The following ATP6V1H variants were observed in gnomAD, a reference collection of about 807,000 sequenced individuals.
ATP6V1H encodes ATPase H+ transporting V1 subunit H.
Under a neutral mutation model 71.7 loss-of-function variants are expected in ATP6V1H, and 39 were observed. The observed-to-expected ratio is 0.54, with a 90% CI of 0.42 to 0.71. The LOEUF is 0.71. ATP6V1H is among the 30% of genes least tolerant of loss of function. The pLI is 0.00. For synonymous variants in ATP6V1H, 192 were observed against 199.3 expected (o/e 0.96, Z 0.31); for missense variants, 509 against 594.9 (o/e 0.86, Z 1.50).
At chr8:53,841,361 A>G (rs1485589464) in intron 2 of ATP6V1H, among the ~76,000 whole-genome samples, 1 of 152,160 alleles carries the variant, frequency 6.6e-6, no homozygotes, top group Non-Finnish European at 1.5e-5. Flanking sequence ...GAGAAGGTCA[A>G]AAGCACCATA....
At chr8:53,830,380 GGA>G (rs1018802542) in intron 3 of ATP6V1H, among the ~76,000 whole-genome samples, 4 of 152,034 alleles carry the variant, frequency 2.6e-5, no homozygotes, top group Non-Finnish European at 4.4e-5. Flanking sequence ...ATAAAAAAAT[GGA>G]GACCTTATCA....
intron 13 of ATP6V1H, among the ~76,000 whole-genome samples, chr8:53,735,086 C>T (rs543486440): frequency 6.6e-6 from 1 of 152,144 alleles, no homozygotes. Flanking sequence ...CAGCACAATG[C>T]GAGGCAAGGT....
intron 3 of ATP6V1H, 63 bp downstream of exon 3, chr8:53,832,921 A>G: frequency 8.8e-7 from 1 of 1,135,472 alleles, no homozygotes; most frequent in South Asian, 1.4e-5. Context: ...TATAATCACT[A>G]AGATTTTTCT....
chr8:53,763,750 C>CATCA (rs1465656148), intron 11 of ATP6V1H, among the ~76,000 whole-genome samples: 1 of 152,102 alleles, frequency 6.6e-6, no homozygotes, highest in Non-Finnish European at 1.5e-5. Context: ...CATCAGGAAC[C>CATCA]ATCAGAGAAC....
intron 13 of ATP6V1H, among the ~76,000 whole-genome samples, chr8:53,731,980 C>G (rs796095967): frequency 6.6e-6 from 1 of 152,234 alleles, no homozygotes; most frequent in Admixed American, 6.5e-5. Context: ...AAGGAACTGA[C>G]GCTTGGAGTT....
At chr8:53,809,802 A>G (rs918933134) in intron 7 of ATP6V1H, among the ~76,000 whole-genome samples, 1 of 152,230 alleles carries the variant, frequency 6.6e-6, no homozygotes, top group African/African-American at 2.4e-5. Context: ...AAGCAAAATA[A>G]AGATTCTCAA....
At chr8:53,735,681 T>G (rs1554554672) in intron 13 of ATP6V1H, among the ~76,000 whole-genome samples, 4 of 152,138 alleles carry the variant, frequency 2.6e-5, no homozygotes, top group Non-Finnish European at 5.9e-5. Context: ...AATGCAGGCT[T>G]CAGGAATAGC....
chr8:53,737,559 C>CT (rs1807263296), intron 13 of ATP6V1H, among the ~76,000 whole-genome samples: 1 of 152,202 alleles, frequency 6.6e-6, no homozygotes, highest in Non-Finnish European at 1.5e-5. Context: ...AGCACAGCTC[C>CT]TACCAGTGTG....
At chr8:53,735,056 A>G (rs1807153483) in intron 13 of ATP6V1H, among the ~76,000 whole-genome samples, 1 of 152,234 alleles carries the variant, frequency 6.6e-6, no homozygotes, top group Non-Finnish European at 1.5e-5. Context: ...ACAGTGGCAC[A>G]GCAATGTATT....
chr8:53,825,329 C>T (rs186262936), intron 4 of ATP6V1H, among the ~76,000 whole-genome samples: 36 of 152,134 alleles, frequency 2.4e-4, no homozygotes, highest in Middle Eastern at 3.4e-3. Context: ...GAGCTACTGC[C>T]AGGCCTTGTT....
intron 9 of ATP6V1H, among the ~76,000 whole-genome samples, chr8:53,782,338 T>C (rs1301855200): frequency 1.3e-5 from 2 of 152,014 alleles, no homozygotes; most frequent in Non-Finnish European, 2.9e-5. Context: ...TTTGGCTCTC[T>C]GTTTGTCTGT....
At chr8:53,770,773 T>C (rs1808625976) in intron 10 of ATP6V1H, among the ~76,000 whole-genome samples, 2 of 152,188 alleles carry the variant, frequency 1.3e-5, no homozygotes, top group African/African-American at 4.8e-5. Context: ...AAGCTATCAC[T>C]AATCTTATTT....
chr8:53,722,816 G>A (rs1005583078), intron 13 of ATP6V1H, among the ~76,000 whole-genome samples: 4 of 152,194 alleles, frequency 2.6e-5, no homozygotes, highest in East Asian at 1.9e-4. Context: ...ATCTAACTGC[G>A]GAATTGCTCA....
At chr8:53,833,151 A>G in intron 2 of ATP6V1H, 65 bp from the exon 3 acceptor site, 1 of 1,298,176 alleles carries the variant, frequency 7.7e-7, no homozygotes, top group Non-Finnish European at 1.1e-6. Context: ...CGATAGAGGA[A>G]TTTTCAGTCC....
chr8:53,745,993 A>G (rs963295658), intron 12 of ATP6V1H, among the ~76,000 whole-genome samples: 10 of 152,220 alleles, frequency 6.6e-5, no homozygotes, highest in Non-Finnish European at 1.2e-4. Flanking sequence ...TGAGGACCAA[A>G]TACAATCTCA....
intron 13 of ATP6V1H, among the ~76,000 whole-genome samples, chr8:53,725,346 C>T (rs1041898496): frequency 2.0e-5 from 3 of 152,144 alleles, no homozygotes; most frequent in Non-Finnish European, 2.9e-5. Context: ...AGGCCCTCAA[C>T]AGATGCAGCC....
chr8:53,788,302 C>T (rs1206437776), intron 9 of ATP6V1H, among the ~76,000 whole-genome samples: 2 of 152,028 alleles, frequency 1.3e-5, no homozygotes, highest in East Asian at 1.9e-4. Flanking sequence ...CAAAATTAGA[C>T]AATAGAAGCC....
At chr8:53,838,082 A>C (rs1225040734) in intron 2 of ATP6V1H, among the ~76,000 whole-genome samples, 1 of 150,992 alleles carries the variant, frequency 6.6e-6, no homozygotes, top group Non-Finnish European at 1.5e-5. Flanking sequence ...CTCCCTTCCT[A>C]GATAACTCCA....
intron 4 of ATP6V1H, among the ~76,000 whole-genome samples, chr8:53,827,422 A>C (rs1810858978): frequency 6.6e-6 from 1 of 152,084 alleles, no homozygotes; most frequent in African/African-American, 2.4e-5. Flanking sequence ...AATGAAATGC[A>C]CAAGGATGAG....
Sources: allele counts gnomAD v4.1 joint callset (sites outside exome capture counted in the v4.1 genomes callset), GRCh38; gene constraint gnomAD v4.1.1; transcripts MANE v1.5; gene names NCBI Gene and HGNC (gene_info 2026-07-23, HGNC 2026-07-21).